SUFU: variants seen among roughly 807,000 people sequenced by gnomAD.
SUFU encodes the protein suppressor of fused homolog.
Under a neutral mutation model 58.9 loss-of-function variants are expected in SUFU, and 7 were observed. The ratio of observed to expected loss-of-function variants is 0.12; its 90% CI spans 0.07 to 0.22. The LOEUF (loss-of-function observed/expected upper bound fraction) is 0.22, where lower values mean the gene tolerates loss of function less well. Ranked by LOEUF, SUFU falls within the 10% of genes least tolerant of loss-of-function variation. The pLI, the probability that SUFU is intolerant of heterozygous loss-of-function variation, is 1.00. For missense variants in SUFU, 451 were observed against 641.3 expected, an observed-to-expected ratio of 0.70 and a Z score of 3.20; for synonymous variants, 232 against 254.8, an observed-to-expected ratio of 0.91 and a Z score of 0.85.
intron 10 of SUFU, among the ~76,000 whole-genome samples, chr10:102,626,954 A>G (rs2063791735): frequency 6.6e-6 from 1 of 150,868 alleles, no homozygotes; most frequent in Non-Finnish European, 1.5e-5. Context: ...TTGTCCCCTG[A>G]CCCCTTTCCT....
intron 2 of SUFU, among the ~76,000 whole-genome samples, chr10:102,526,326 G>A (rs369504567): frequency 6.6e-6 from 1 of 152,158 alleles, no homozygotes; most frequent in African/African-American, 2.4e-5. Context: ...GCCACGGGGG[G>A]GTGGATCACT....
At chr10:102,597,028 C>T in intron 6 of SUFU, 112 bp from the exon 7 acceptor site, 1 of 1,300,330 alleles carries the variant, frequency 7.7e-7, no homozygotes, top group Non-Finnish European at 1.1e-6. Flanking sequence ...TTGTCCCATG[C>T]TCAGCACCAC....
intron 2 of SUFU, among the ~76,000 whole-genome samples, chr10:102,516,242 T>A (rs1041924509): frequency 2.6e-5 from 4 of 151,114 alleles, no homozygotes; most frequent in Non-Finnish European, 4.4e-5. Flanking sequence ...GCCCGGCTAA[T>A]TTTTTATTTT....
chr10:102,625,264 C>G lies in SUFU; in HGVS notation c.1297-1911C>G, dbSNP rs909808482. ...TCCCACTTTGGGGAATTAGGAAGAA[C>G]TGTAGGGGTGCACCTCCCCGAACTT... On this transcript the variant is annotated intron_variant, in intron 10 of 11. Transcript: ENST00000369902. This position sits in a 1 kb window ranked among gnomAD's most constrained non-coding sequence, Gnocchi z 4.7. Among the ~76,000 whole-genome samples the G allele has an allele frequency of 3.3e-5, 5 of 152,132 alleles. No homozygotes were observed. Among genetic ancestry groups the G allele is most frequent in the Non-Finnish European group, 7.3e-5 (5 of 68,032 alleles).
intron 2 of SUFU, among the ~76,000 whole-genome samples, chr10:102,526,871 A>G (rs1024859384): frequency 2.0e-5 from 3 of 152,184 alleles, no homozygotes; most frequent in Non-Finnish European, 2.9e-5. Flanking sequence ...GTGTTTAAGG[A>G]AAAGAAAGAA....
intron 2 of SUFU, among the ~76,000 whole-genome samples, chr10:102,540,113 A>G (rs1347769900): frequency 6.6e-6 from 1 of 152,096 alleles, no homozygotes; most frequent in African/African-American, 2.4e-5. Context: ...TTTCAGAATC[A>G]TTTTGTACTT....
chr10:102,615,301 C>T lies in SUFU; in HGVS notation c.1056C>T (p.Ser352=), dbSNP rs1590082153. Residue 352 remains serine (S), a synonymous_variant, in exon 9 of 12, where the codon TCC becomes TCT. Transcript: ENST00000369902. ...SRKDSLESDS[S]TAIIPHELIR... is the part of the protein sequence containing the mutation. ...AAGACAGCCTGGAAAGTGACAGCTC[C>T]ACGGCCATCATTCCCCATGAGCTGA... 1 of 1,614,172 alleles carries T rather than the reference C, an allele frequency of 6.2e-7. No homozygotes were observed. The highest frequency in any genetic ancestry group is 8.5e-7 in the Non-Finnish European group (1 of 1,180,046).
intron 1 of SUFU, among the ~76,000 whole-genome samples, chr10:102,505,066 A>G (rs961623416): frequency 6.6e-6 from 1 of 152,144 alleles, no homozygotes; most frequent in Non-Finnish European, 1.5e-5. Flanking sequence ...AGAGAGAACC[A>G]TGGTTTGGCT....
At chr10:102,595,189 G>A (rs115384868) in intron 6 of SUFU, among the ~76,000 whole-genome samples, 191 of 152,314 alleles carry the variant, frequency 1.3e-3, no homozygotes, top group African/African-American at 4.5e-3. Flanking sequence ...GGCAGTTGCC[G>A]GGAGTTCCAT....
At chr10:102,592,381 C>T (rs767240803) in intron 3 of SUFU, among the ~76,000 whole-genome samples, 1 of 152,198 alleles carries the variant, frequency 6.6e-6, no homozygotes, top group Non-Finnish European at 1.5e-5. Context: ...TCTGACAGAA[C>T]TGGCAAGCAG....
chr10:102,561,610 G>T (rs1449706432), intron 3 of SUFU, among the ~76,000 whole-genome samples: 1 of 151,128 alleles, frequency 6.6e-6, no homozygotes, highest in Admixed American at 6.6e-5. Context: ...CTTGGCCAGA[G>T]AGATTGGTTC....
In SUFU at chr10:102,593,635, G is replaced by T; in HGVS notation, c.598-1G>T. ...AATGGGCTTTCTATCCTGGGCCTCA[G>T]ATCGTTGGTGTCTGCACTGAAGAGC... On this transcript the variant is annotated splice_acceptor_variant, in intron 4 of 11. Transcript: ENST00000369902. LOFTEE classifies it high-confidence loss of function. The T allele has an allele frequency of 6.2e-7, 1 of 1,614,202 alleles. No individual in the cohort carries two copies. The highest frequency in any genetic ancestry group is 2.2e-5 in the East Asian group (1 of 44,886).
intron 2 of SUFU, among the ~76,000 whole-genome samples, chr10:102,520,316 C>A (rs181016730): frequency 3.9e-4 from 57 of 147,258 alleles, no homozygotes; most frequent in Admixed American, 9.7e-4. Context: ...CTCCTGGGTT[C>A]AAGTGATTCT....
At chr10:102,585,835 G>A (rs2063330409) in intron 3 of SUFU, among the ~76,000 whole-genome samples, 1 of 150,978 alleles carries the variant, frequency 6.6e-6, no homozygotes, top group African/African-American at 2.4e-5. Context: ...GCATTCCTCT[G>A]ATGGTTAATG....
At position 102,591,948 on chromosome 10, in the gene SUFU, C is replaced by G. The variant is rs775609316; in HGVS notation, c.455-634C>G. The stretch of plus-strand genomic sequence containing the variant: ...TACCCTTGGCAGAATCTGAACATCT[C>G]AGAGACATGGCCTGAGGATCCTCAT... On this transcript the variant is annotated intron_variant, in intron 3 of 11. Coordinates refer to ENST00000369902, the MANE Select transcript of SUFU (RefSeq NM_016169.4). Among the ~76,000 whole-genome samples the G allele has an allele frequency of 2.9e-4, 44 of 152,218 alleles. 1 individual carries two copies. Among genetic ancestry groups the G allele is most frequent in the Non-Finnish European group, 6.3e-4 (43 of 68,042 alleles).
At chr10:102,522,883 C>CTGA (rs1173721042) in intron 2 of SUFU, among the ~76,000 whole-genome samples, 1 of 152,186 alleles carries the variant, frequency 6.6e-6, no homozygotes, top group Non-Finnish European at 1.5e-5. Flanking sequence ...CCTCATTGGG[C>CTGA]TGAAGGGTCC....
At chr10:102,522,452 T>C (rs1159696112) in intron 2 of SUFU, among the ~76,000 whole-genome samples, 1 of 152,114 alleles carries the variant, frequency 6.6e-6, no homozygotes, top group African/African-American at 2.4e-5. Context: ...TTTCTCTCTT[T>C]CTTGGGTGCG....
At chr10:102,537,484 C>T (rs1392357104) in intron 2 of SUFU, among the ~76,000 whole-genome samples, 12 of 152,124 alleles carry the variant, frequency 7.9e-5, no homozygotes, top group Admixed American at 7.9e-4. Flanking sequence ...GAATTAAGTA[C>T]ATTTACCTTG....
intron 2 of SUFU, among the ~76,000 whole-genome samples, chr10:102,542,446 T>TA (rs1564673286): frequency 0.038 from 5,340 of 138,894 alleles, 99 homozygotes; most frequent in African/African-American, 0.06. Context: ...ATATATATAT[T>TA]TTTTTTTAAG....
Sources: gnomAD v4.1 joint callset for allele counts (sites outside exome capture counted in the v4.1 genomes callset) on GRCh38, gnomAD v4.1.1 for gene constraint, Gnocchi (gnomAD v3.1) non-coding constraint, MANE v1.5 for transcripts, NCBI Gene and HGNC (gene_info 2026-07-23, HGNC 2026-07-21) for gene names.